Variants in LRRC42 observed in about 807,000 individuals in gnomAD.
LRRC42 encodes leucine rich repeat containing 42.
In LRRC42, 43 loss-of-function variants were observed where a neutral mutation model predicts 44.3. That is an observed-to-expected ratio of 0.97 (90% CI 0.76 to 1.25). LRRC42 has a LOEUF of 1.25. Among genes scored for constraint, LRRC42 ranks in the 50% most tolerant of loss-of-function variants. The probability of loss-of-function intolerance (pLI) is 0.00; values close to 1 mark genes in which losing one functional copy is unlikely to be tolerated. For missense variants in LRRC42, 540 were observed against 509.1 expected (o/e 1.06, Z -0.58); for synonymous variants, 207 against 195.2 (o/e 1.06, Z -0.50).
At chr1:53,961,300 A>G (rs1045921380) in intron 5 of LRRC42, among the ~76,000 whole-genome samples, 1 of 152,084 alleles carries the variant, frequency 6.6e-6, no homozygotes, top group African/African-American at 2.4e-5. Context: ...AGTCCCAGCT[A>G]CTCGGGAGGC....
intron 7 of LRRC42, 139 bp downstream of exon 7, chr1:53,962,548 C>G: frequency 1.5e-6 from 1 of 657,170 alleles, no homozygotes; most frequent in Non-Finnish European, 2.7e-6. Flanking sequence ...ATTGGAGACA[C>G]TGATGGGCTA....
chr1:53,948,995 G>C (rs906913896), intron 2 of LRRC42, among the ~76,000 whole-genome samples: 3 of 152,112 alleles, frequency 2.0e-5, no homozygotes, highest in Non-Finnish European at 2.9e-5. Flanking sequence ...GTGGCTTCTG[G>C]ACAAATGATG....
intron 7 of LRRC42, among the ~76,000 whole-genome samples, chr1:53,962,853 C>T (rs929144575): frequency 6.6e-6 from 1 of 152,092 alleles, no homozygotes; most frequent in Non-Finnish European, 1.5e-5. Context: ...CTCCCACAGC[C>T]TTAGTGAGGA....
At chr1:53,948,740 A>T (rs143254130) in intron 2 of LRRC42, among the ~76,000 whole-genome samples, 1 of 152,242 alleles carries the variant, frequency 6.6e-6, no homozygotes, top group Non-Finnish European at 1.5e-5. Flanking sequence ...GACCAGGTCC[A>T]TTTGTAATAC....
chr1:53,960,696 C>G (rs1226406685), intron 5 of LRRC42, among the ~76,000 whole-genome samples: 2 of 152,174 alleles, frequency 1.3e-5, no homozygotes. Flanking sequence ...AAAACCCTTA[C>G]ACATTCATCC....
intron 7 of LRRC42, among the ~76,000 whole-genome samples, chr1:53,965,051 T>C (rs1310373428): frequency 6.7e-6 from 1 of 148,754 alleles, no homozygotes; most frequent in Non-Finnish European, 1.5e-5. Flanking sequence ...TGTCGCCCAG[T>C]CTGGAGTGCA....
chr1:53,959,578 A>G (rs965564201), intron 4 of LRRC42, among the ~76,000 whole-genome samples: 7 of 152,236 alleles, frequency 4.6e-5, no homozygotes, highest in Non-Finnish European at 8.8e-5. Context: ...TAATATACCA[A>G]TTCCAGCTTA....
chr1:53,958,050 T>C, intron 3 of LRRC42, 99 bp from the exon 4 acceptor site: 1 of 1,499,362 alleles, frequency 6.7e-7, no homozygotes. Context: ...TACTGTGTCC[T>C]GATGGGATGG....
rs1238329922 is a variant in LRRC42, at chr1:53,967,849, A to G, written c.1197A>G (p.Ser399=). 6.2e-7 allele frequency: 1 copy of G among 1,614,222 alleles called. No homozygotes were observed. Among genetic ancestry groups the G allele is most frequent in the East Asian group, 2.2e-5 (1 of 44,886 alleles). Reference sequence around the variant, plus strand: ...GCAAGAAGAGACCTTTTGAGGAGTCAGAGACAGAACAGAATAACTCTTCAC... The same window carrying G: ...GCAAGAAGAGACCTTTTGAGGAGTCGGAGACAGAACAGAATAACTCTTCAC... ...KKSKKRPFEE[S]ETEQNNSSQP... Residue 399 remains serine, a synonymous_variant, in exon 9 of 9, where the codon TCA becomes TCG. Coordinates refer to ENST00000371370, the MANE Select transcript of LRRC42 (RefSeq NM_001256409.2).
intron 7 of LRRC42, among the ~76,000 whole-genome samples, chr1:53,965,464 G>C (rs926760439): frequency 6.6e-6 from 1 of 150,890 alleles, no homozygotes; most frequent in African/African-American, 2.4e-5. Context: ...TTATATTCAG[G>C]CATATTTCTT....
chr1:53,952,454 C>T lies in LRRC42; in HGVS notation c.455C>T (p.Ser152Phe). ...TEAYGSLVLC[S>F]LCLRNRYLVI... is the part of the protein sequence containing the mutation. Reference sequence around the variant, plus strand: ...GCCTATGGAAGTTTGGTGCTTTGCTCCCTGTGTTTGCGAAACAGGTGGGTG... The same window carrying T: ...GCCTATGGAAGTTTGGTGCTTTGCTTCCTGTGTTTGCGAAACAGGTGGGTG... The change falls in exon 3 of 9, where the codon TCC becomes TTC. Residue 152 changes from serine to phenylalanine, a missense_variant. Transcript: ENST00000371370. 1 of 1,596,582 alleles carries T rather than the reference C, an allele frequency of 6.3e-7. No individual in the cohort carries two copies. The highest frequency in any genetic ancestry group is 8.6e-7 in the Non-Finnish European group (1 of 1,167,174).
intron 8 of LRRC42, among the ~76,000 whole-genome samples, chr1:53,967,419 C>T (rs990739653): frequency 1.3e-5 from 2 of 152,154 alleles, no homozygotes; most frequent in Non-Finnish European, 2.9e-5. Flanking sequence ...AAGTCACTTA[C>T]CCACGGTCAC....
In LRRC42 at chr1:53,960,469, TATC is replaced by T; in HGVS notation, c.722_724del (p.Ser241del). The T allele has an allele frequency of 6.3e-7, 1 of 1,595,240 alleles. No homozygotes were observed. Among genetic ancestry groups the T allele is most frequent in the Non-Finnish European group, 8.6e-7 (1 of 1,165,700 alleles). On this transcript the variant is annotated inframe_deletion and splice_region_variant, in exon 5 of 9. Coordinates refer to ENST00000371370, the MANE Select transcript of LRRC42 (RefSeq NM_001256409.2). ...CTTGAGAATCTAACATTATTAGACTTATCATGTAAGTTTTCTTCGAAATTATAG... is the reference window on the plus strand; with the variant it reads ...CTTGAGAATCTAACATTATTAGACTTATGTAAGTTTTCTTCGAAATTATAG...
chr1:53,960,736 C>A (rs1171134033), intron 5 of LRRC42, among the ~76,000 whole-genome samples: 1 of 152,152 alleles, frequency 6.6e-6, no homozygotes, highest in Admixed American at 6.5e-5. Flanking sequence ...AACAGAGACA[C>A]CTTTCATCAT....
chr1:53,968,131 T>C lies in LRRC42; in HGVS notation c.*192T>C. 1.7e-6 allele frequency: 1 copy of C among 579,386 alleles called. No homozygotes were observed. Among genetic ancestry groups the C allele is most frequent in the East Asian group, 3.0e-5 (1 of 32,926 alleles). The allele number at this position is 579,386 out of a possible 1,614,324, so 35.9% of individuals were successfully genotyped here. A position where few individuals can be genotyped will look rare whatever the true frequency, so the allele number is the denominator to read the frequency against. ...ATTTCTAATGTATATTTTCAATACATAGTAATTTTTTCAAATAAACATTTT... is the reference window on the plus strand; with the variant it reads ...ATTTCTAATGTATATTTTCAATACACAGTAATTTTTTCAAATAAACATTTT... On this transcript the variant is annotated 3_prime_UTR_variant, in exon 9 of 9. Transcript: ENST00000371370.
At position 53,968,116 on chromosome 1, in the gene LRRC42, T is replaced by A; in HGVS notation, c.*177T>A. The stretch of plus-strand genomic sequence containing the variant: ...TGGAAGTATGTAATAATTTCTAATG[T>A]ATATTTTCAATACATAGTAATTTTT... On this transcript the variant is annotated 3_prime_UTR_variant, in exon 9 of 9. Coordinates refer to ENST00000371370, the MANE Select transcript of LRRC42 (RefSeq NM_001256409.2). 1 of 629,436 alleles carries A rather than the reference T, an allele frequency of 1.6e-6. No individual in the cohort carries two copies. Among genetic ancestry groups the A allele is most frequent in the Non-Finnish European group, 2.7e-6 (1 of 373,626 alleles). 39.0% of individuals were successfully genotyped at this position (629,436 alleles called of 1,614,324 possible). A position where few individuals can be genotyped will look rare whatever the true frequency, so the allele number is the denominator to read the frequency against.
At chr1:53,960,207 G>C (rs1019038845) in intron 4 of LRRC42, 149 bp from the exon 5 acceptor site, 8 of 591,144 alleles carry the variant, frequency 1.4e-5, no homozygotes, top group Admixed American at 1.3e-4. Context: ...GCCCAAAAGA[G>C]CTTAACTTTG....
At chr1:53,947,229 G>C (rs559149685) in intron 1 of LRRC42, among the ~76,000 whole-genome samples, 3 of 152,102 alleles carry the variant, frequency 2.0e-5, no homozygotes, top group African/African-American at 7.2e-5. Context: ...GGGCTGGAAG[G>C]GTCTGAAGGT....
At chr1:53,957,356 CCTTTCATTTTTTCTCA>C (rs2100924279) in intron 3 of LRRC42, among the ~76,000 whole-genome samples, 1 of 152,240 alleles carries the variant, frequency 6.6e-6, no homozygotes, top group East Asian at 1.9e-4. Context: ...ACACCTAATC[CCTTTCATTTTTTCTCA>C]CTGACCTCAT....
Sources: allele counts gnomAD v4.1 joint callset (sites outside exome capture counted in the v4.1 genomes callset), GRCh38; gene constraint gnomAD v4.1.1; transcripts MANE v1.5; gene names NCBI Gene and HGNC (gene_info 2026-07-23, HGNC 2026-07-21).